Variants in UNC13C observed in about 807,000 individuals in gnomAD.
UNC13C encodes protein unc-13 homolog C.
In UNC13C, 174 loss-of-function variants were observed where a neutral mutation model predicts 245.4. The observed-to-expected ratio is 0.71, with a 90% CI of 0.63 to 0.80. The LOEUF (loss-of-function observed/expected upper bound fraction) is 0.80, where lower values mean the gene tolerates loss of function less well. Among genes scored for constraint, UNC13C ranks in the 30% least tolerant of loss-of-function variants. UNC13C has a pLI of 0.00. For synonymous variants in UNC13C, 992 were observed against 895.1 expected (o/e 1.11, Z -1.93); for missense variants, 2,829 against 2,602.9 (o/e 1.09, Z -1.89).
chr15:54,269,832 A>C (rs1034030567), intron 10 of UNC13C, among the ~76,000 whole-genome samples: 4 of 152,114 alleles, frequency 2.6e-5, no homozygotes, highest in African/African-American at 9.7e-5. Flanking sequence ...CTGTACTGGC[A>C]GTAACAATAT....
At chr15:53,931,120 C>G in the UNC13C span, among the ~76,000 whole-genome samples, 2 of 152,040 alleles carry the variant, frequency 1.3e-5, no homozygotes, top group Non-Finnish European at 2.9e-5. Flanking sequence ...CCATCTCAGA[C>G]AGAAAGTTGT....
At chr15:54,363,055 G>T (rs1315081517) in intron 17 of UNC13C, among the ~76,000 whole-genome samples, 1 of 152,172 alleles carries the variant, frequency 6.6e-6, no homozygotes, top group Non-Finnish European at 1.5e-5. Context: ...TTTCAGAGCT[G>T]AAAACTGAAG....
chr15:54,177,003 A>G (rs2033637896), intron 4 of UNC13C, among the ~76,000 whole-genome samples: 1 of 152,142 alleles, frequency 6.6e-6, no homozygotes, highest in South Asian at 2.1e-4. Flanking sequence ...GGCAGACCGC[A>G]TATGTGATTG....
chr15:54,535,065 C>A (rs1054156168), intron 26 of UNC13C, among the ~76,000 whole-genome samples: 1 of 152,022 alleles, frequency 6.6e-6, no homozygotes. Context: ...TCAATATCAA[C>A]CTTGAATATA....
chr15:54,101,683 C>T (rs971428918), intron 2 of UNC13C, among the ~76,000 whole-genome samples: 6 of 151,928 alleles, frequency 3.9e-5, no homozygotes, highest in Non-Finnish European at 7.4e-5. Flanking sequence ...CAAGTTCAAG[C>T]GATTCTCCTG....
intron 4 of UNC13C, among the ~76,000 whole-genome samples, chr15:54,223,003 C>T (rs933976061): frequency 3.3e-5 from 5 of 151,194 alleles, no homozygotes; most frequent in Admixed American, 6.6e-5. Flanking sequence ...AATCTCTTGT[C>T]GCATGGATAG....
the UNC13C span, among the ~76,000 whole-genome samples, chr15:53,964,449 A>G: frequency 1.3e-5 from 2 of 152,220 alleles, no homozygotes. Context: ...GTCAACCAAA[A>G]GTAGATAAAA....
chr15:54,508,820 C>A (rs767721035), intron 23 of UNC13C, among the ~76,000 whole-genome samples: 1 of 152,142 alleles, frequency 6.6e-6, no homozygotes, highest in Non-Finnish European at 1.5e-5. Flanking sequence ...GAAACTTGTA[C>A]ATCTTTCAGT....
At chr15:53,985,815 G>A (rs995459621) in intron 1 of UNC13C, among the ~76,000 whole-genome samples, 33 of 151,974 alleles carry the variant, frequency 2.2e-4, no homozygotes, top group African/African-American at 3.1e-4. Flanking sequence ...TACTACTTTC[G>A]TCTGGTTTTT....
chr15:54,430,530 C>G (rs1201341716), intron 19 of UNC13C, among the ~76,000 whole-genome samples: 2 of 151,500 alleles, frequency 1.3e-5, no homozygotes, highest in Non-Finnish European at 3.0e-5. Context: ...ACTCATTAGC[C>G]TGTTAAGCCT....
intron 2 of UNC13C, among the ~76,000 whole-genome samples, chr15:54,056,565 A>G (rs1203322911): frequency 6.6e-6 from 1 of 152,194 alleles, no homozygotes; most frequent in Non-Finnish European, 1.5e-5. Flanking sequence ...AACTTCCCCA[A>G]TCTAACAAGG....
At chr15:54,164,316 G>A (rs1397202748) in intron 4 of UNC13C, among the ~76,000 whole-genome samples, 1 of 151,994 alleles carries the variant, frequency 6.6e-6, no homozygotes, top group East Asian at 1.9e-4. Context: ...TTAAAAAATT[G>A]TAGTAGCTAT....
chr15:54,305,208 G>A lies in UNC13C; in HGVS notation c.4268+4835G>A, dbSNP rs189738961. On this transcript the variant is annotated intron_variant, in intron 13 of 32. Transcript: ENST00000260323. The stretch of plus-strand genomic sequence containing the variant: ...TTACATTTATTTTTACCTTCTCCTA[G>A]TGTGTTTCTAGATGCCAGAGTTTTT... 8.5e-5 allele frequency among the ~76,000 whole-genome samples: 13 copies of A among 152,160 alleles called. No individual in the cohort carries two copies. In the South Asian group the frequency reaches 1.2e-3, roughly 15 times the overall value.
At chr15:54,511,354 T>C (rs890004483) in intron 23 of UNC13C, among the ~76,000 whole-genome samples, 3 of 150,868 alleles carry the variant, frequency 2.0e-5, no homozygotes, top group African/African-American at 7.3e-5. Flanking sequence ...TGTTTTTGCA[T>C]TTAAAAAATC....
At chr15:54,093,351 T>C (rs1229799670) in intron 2 of UNC13C, among the ~76,000 whole-genome samples, 1 of 152,204 alleles carries the variant, frequency 6.6e-6, no homozygotes, top group Non-Finnish European at 1.5e-5. Context: ...TATGTTGACT[T>C]AAGTAGGTAT....
At chr15:53,880,756 T>G in the UNC13C span, among the ~76,000 whole-genome samples, 1 of 151,882 alleles carries the variant, frequency 6.6e-6, no homozygotes, top group Non-Finnish European at 1.5e-5. Context: ...GTTGTTCTGC[T>G]TAAAATATTG....
chr15:53,843,936 A>C, the UNC13C span, among the ~76,000 whole-genome samples: 1 of 152,188 alleles, frequency 6.6e-6, no homozygotes, highest in African/African-American at 2.4e-5. Flanking sequence ...GATTCATGGA[A>C]TAAGAGGAGA....
At chr15:53,921,819 G>A in the UNC13C span, among the ~76,000 whole-genome samples, 1 of 152,082 alleles carries the variant, frequency 6.6e-6, no homozygotes, top group Admixed American at 6.5e-5. Flanking sequence ...TTTACTTACT[G>A]TATTAAATGT....
At chr15:54,221,235 AT>A (rs1011263964) in intron 4 of UNC13C, among the ~76,000 whole-genome samples, 33 of 152,104 alleles carry the variant, frequency 2.2e-4, no homozygotes, top group Non-Finnish European at 4.3e-4. Flanking sequence ...TAATTTAATT[AT>A]TTTTTTCACA....
Sources: allele counts gnomAD v4.1 joint callset (sites outside exome capture counted in the v4.1 genomes callset), GRCh38; gene constraint gnomAD v4.1.1; transcripts MANE v1.5; gene names NCBI Gene and HGNC (gene_info 2026-07-23, HGNC 2026-07-21).